CYSLTR2: variants seen among roughly 807,000 people sequenced by gnomAD.
CYSLTR2 encodes the protein G-protein coupled receptor GPCR21.
For synonymous variants in CYSLTR2, 179 were observed against 160.8 expected, an observed-to-expected ratio of 1.11 and a Z score of -0.86; for missense variants, 398 against 411.9, an observed-to-expected ratio of 0.97 and a Z score of 0.29.
chr13:48,677,334 A>G (rs1593967345), intron 1 of CYSLTR2, among the ~76,000 whole-genome samples: 4 of 152,142 alleles, frequency 2.6e-5, no homozygotes, highest in Admixed American at 2.6e-4. Context: ...GGAAGAAGAT[A>G]ATGACCAAAA....
At chr13:48,670,357 C>T (rs12584114) in intron 1 of CYSLTR2, among the ~76,000 whole-genome samples, 9,127 of 152,194 alleles carry the variant, frequency 0.06, 319 homozygotes, top group African/African-American at 0.079. Context: ...TTGTCCATGC[C>T]TATGTCCTGA....
In CYSLTR2 at chr13:48,706,931, A is replaced by C; in HGVS notation, c.114A>C (p.Arg38Ser). The C allele has an allele frequency of 2.5e-6, 4 of 1,614,204 alleles. No individual in the cohort carries two copies. Among genetic ancestry groups the C allele is most frequent in the Non-Finnish European group, 1.7e-6 (2 of 1,180,008 alleles). ...ACTGCACAATTGAAAACTTCAAGAG[A>C]GAATTTTTCCCAATTGTATATCTGA... is the stretch of plus-strand genomic sequence containing the variant. ...SRNCTIENFK[R>S]EFFPIVYLII... The change falls in exon 5 of 5, where the codon AGA becomes AGC. Residue 38 changes from arginine (R) to serine (S), a missense_variant. By Grantham distance (110) the Arg-to-Ser change is moderately radical (BLOSUM62 -1). Coordinates refer to ENST00000682523, the MANE Select transcript of CYSLTR2 (RefSeq NM_001308476.3).
intron 4 of CYSLTR2, among the ~76,000 whole-genome samples, chr13:48,698,028 A>G (rs1180799852): frequency 6.6e-6 from 1 of 152,210 alleles, no homozygotes; most frequent in Non-Finnish European, 1.5e-5. Flanking sequence ...ATGTGAAAAG[A>G]CCAAAACTAC....
rs185096070 is a variant in CYSLTR2, at chr13:48,675,740, G to A, written c.-265-15472G>A. ...TAGCTCAGTGTCTGCCCAAACAGCA[G>A]CCAAGTTTTGTGGTTGAAACCCAGG... is the stretch of plus-strand genomic sequence containing the variant. On this transcript the variant is annotated intron_variant, in intron 1 of 4. Coordinates refer to ENST00000682523, the MANE Select transcript of CYSLTR2 (RefSeq NM_001308476.3). 1.8e-3 allele frequency among the ~76,000 whole-genome samples: 279 copies of A among 152,210 alleles called. 2 individuals are homozygous for A. The highest frequency in any genetic ancestry group is 6.4e-3 in the African/African-American group (265 of 41,538).
At chr13:48,671,345 G>A (rs1358547826) in intron 1 of CYSLTR2, among the ~76,000 whole-genome samples, 1 of 152,160 alleles carries the variant, frequency 6.6e-6, no homozygotes, top group African/African-American at 2.4e-5. Flanking sequence ...GGGCATCCTT[G>A]TCTTGTGTGT....
At chr13:48,656,643 T>A (rs1302778762) in intron 1 of CYSLTR2, among the ~76,000 whole-genome samples, 1 of 152,182 alleles carries the variant, frequency 6.6e-6, no homozygotes, top group Non-Finnish European at 1.5e-5. Flanking sequence ...GTGTACTCAT[T>A]GCTGTGTACA....
chr13:48,678,831 T>C (rs181272068), intron 1 of CYSLTR2, among the ~76,000 whole-genome samples: 1 of 152,268 alleles, frequency 6.6e-6, no homozygotes, highest in African/African-American at 2.4e-5. Context: ...TGGTCAGTTC[T>C]CACTCCTTTA....
chr13:48,704,667 A>AT (rs1418465893), intron 4 of CYSLTR2, among the ~76,000 whole-genome samples: 17 of 151,968 alleles, frequency 1.1e-4, no homozygotes, highest in African/African-American at 3.4e-4. Flanking sequence ...AGTTTAATAT[A>AT]TTTTTTGTTT....
chr13:48,700,635 C>G (rs531909444), intron 4 of CYSLTR2, among the ~76,000 whole-genome samples: 21 of 152,320 alleles, frequency 1.4e-4, no homozygotes, highest in Admixed American at 1.2e-3. Flanking sequence ...CTCACCACTC[C>G]TATTCAACAT....
At chr13:48,683,046 A>G (rs866198295) in intron 1 of CYSLTR2, among the ~76,000 whole-genome samples, 1 of 152,224 alleles carries the variant, frequency 6.6e-6, no homozygotes, top group African/African-American at 2.4e-5. Flanking sequence ...GTGTTCCTGC[A>G]AAGGACACGA....
At chr13:48,690,240 T>C (rs140815323) in intron 1 of CYSLTR2, among the ~76,000 whole-genome samples, 53 of 152,270 alleles carry the variant, frequency 3.5e-4, no homozygotes, top group African/African-American at 1.3e-3. Flanking sequence ...TGGATACCCT[T>C]TATTTCTTTC....
chr13:48,698,137 C>A (rs898061815), intron 4 of CYSLTR2, among the ~76,000 whole-genome samples: 2 of 152,190 alleles, frequency 1.3e-5, no homozygotes, highest in African/African-American at 4.8e-5. Context: ...CCTAGCGAGG[C>A]AGGCCAACAT....
At chr13:48,701,736 G>A (rs1180879901) in intron 4 of CYSLTR2, among the ~76,000 whole-genome samples, 1 of 152,130 alleles carries the variant, frequency 6.6e-6, no homozygotes, top group East Asian at 1.9e-4. Context: ...AGTTAGAATG[G>A]CAATCATTAA....
At chr13:48,674,933 G>T (rs1415669243) in intron 1 of CYSLTR2, among the ~76,000 whole-genome samples, 1 of 152,214 alleles carries the variant, frequency 6.6e-6, no homozygotes, top group Non-Finnish European at 1.5e-5. Flanking sequence ...TACCCCGTTT[G>T]CCTGGGTATC....
chr13:48,706,059 T>C (rs957269208), intron 4 of CYSLTR2, among the ~76,000 whole-genome samples: 3 of 149,172 alleles, frequency 2.0e-5, no homozygotes, highest in Admixed American at 1.3e-4. Flanking sequence ...TGCAATGGCA[T>C]GATCTCGGCT....
At chr13:48,695,067 C>CCTTTTT (rs1278951741) in intron 3 of CYSLTR2, among the ~76,000 whole-genome samples, 1 of 83,698 alleles carries the variant, frequency 1.2e-5, no homozygotes, top group Non-Finnish European at 2.6e-5. Flanking sequence ...CAGAACCTGG[C>CCTTTTT]ATTTTTTTTT....
intron 1 of CYSLTR2, among the ~76,000 whole-genome samples, chr13:48,663,984 A>G (rs1428525319): frequency 6.6e-6 from 1 of 151,960 alleles, no homozygotes; most frequent in Non-Finnish European, 1.5e-5. Flanking sequence ...GGCCTTTGTT[A>G]TATTGAAGTA....
chr13:48,692,177 T>C lies in CYSLTR2; in HGVS notation c.-176+876T>C, dbSNP rs190370079. Reference sequence around the variant, plus strand: ...TCTAGGGTCCAGAAATAATTATAGATGACATTGTAAAAAAATTGCTATGTG... The same window carrying C: ...TCTAGGGTCCAGAAATAATTATAGACGACATTGTAAAAAAATTGCTATGTG... On this transcript the variant is annotated intron_variant, in intron 2 of 4. Transcript: ENST00000682523. Among the ~76,000 whole-genome samples, 124 of 152,102 alleles carry C rather than the reference T, an allele frequency of 8.2e-4. 1 individual carries two copies. Among genetic ancestry groups the C allele is most frequent in the African/African-American group, 2.9e-3 (120 of 41,552 alleles).
chr13:48,655,793 G>A (rs537027330), intron 1 of CYSLTR2, among the ~76,000 whole-genome samples: 1 of 152,170 alleles, frequency 6.6e-6, no homozygotes, highest in South Asian at 2.1e-4. Flanking sequence ...AGAGAACATA[G>A]GATCTTTCCC....
Sources: allele counts gnomAD v4.1 joint callset (sites outside exome capture counted in the v4.1 genomes callset), GRCh38; gene constraint gnomAD v4.1.1; transcripts MANE v1.5; gene names NCBI Gene and HGNC (gene_info 2026-07-23, HGNC 2026-07-21).